Variants in LIG1 observed in about 807,000 individuals in gnomAD.
The protein encoded by LIG1 is ligase I, DNA, ATP-dependent.
LIG1 carries 70 observed loss-of-function variants against 115.7 expected under a neutral mutation model. The ratio of observed to expected loss-of-function variants is 0.60; its 90% CI spans 0.50 to 0.74. The LOEUF is 0.74. Ranked by LOEUF, LIG1 falls within the 30% of genes least tolerant of loss-of-function variation. The pLI is 0.00. For synonymous variants in LIG1, 487 were observed against 495.3 expected (o/e 0.98, Z 0.22); for missense variants, 1,115 against 1,225.6 (o/e 0.91, Z 1.35).
At position 48,115,855 on chromosome 19, in the gene LIG1, T is replaced by A. The variant is rs1302394923; in HGVS notation, c.2676+18A>T. 1 of 1,610,324 alleles carries A rather than the reference T, an allele frequency of 6.2e-7. No individual in the cohort carries two copies. The highest frequency in any genetic ancestry group is 1.1e-5 in the South Asian group (1 of 90,978). On this transcript the variant is annotated intron_variant, in intron 27 of 27. Coordinates refer to ENST00000263274, the MANE Select transcript of LIG1 (RefSeq NM_000234.3). ...GCCAAGCAGCTGGGCGGCCCACCCC[T>A]GCTTCCCAGGACCTCACCTGAGCAC...
chr19:48,132,206 C>A (rs2034070489), intron 18 of LIG1, among the ~76,000 whole-genome samples: 3 of 152,132 alleles, frequency 2.0e-5, no homozygotes. Context: ...GGCTCCCACC[C>A]ACTTTGCCTG....
intron 9 of LIG1, among the ~76,000 whole-genome samples, chr19:48,146,875 C>T (rs528603401): frequency 1.3e-4 from 20 of 152,206 alleles, no homozygotes; most frequent in South Asian, 6.2e-4. Context: ...CAGGCCTGGC[C>T]CTACCCCCAC....
chr19:48,150,025 G>GA, intron 8 of LIG1, 63 bp downstream of exon 8: 2 of 1,610,196 alleles, frequency 1.2e-6, no homozygotes, highest in African/African-American at 1.3e-5. Context: ...GGCCTCTGGA[G>GA]AGAGGCTCAC....
chr19:48,134,108 G>T, intron 16 of LIG1, 42 bp from the exon 17 acceptor site: 1 of 1,515,520 alleles, frequency 6.6e-7, no homozygotes, highest in South Asian at 1.2e-5. Flanking sequence ...AGCCTTTCTA[G>T]AACTCACACA....
intron 1 of LIG1, among the ~76,000 whole-genome samples, chr19:48,169,356 T>C (rs1234276242): frequency 6.6e-6 from 1 of 152,206 alleles, no homozygotes; most frequent in Non-Finnish European, 1.5e-5. Context: ...GTCTGTAATC[T>C]AGTTAACAGA....
chr19:48,154,857 C>G (rs1378592840), intron 5 of LIG1, among the ~76,000 whole-genome samples: 1 of 152,160 alleles, frequency 6.6e-6, no homozygotes, highest in East Asian at 1.9e-4. Flanking sequence ...ACTCCACATT[C>G]TCTGCTTTAT....
Position 48,153,905 on chromosome 19 carries a change from C to A in LIG1, c.433G>T (p.Asp145Tyr). The A allele has an allele frequency of 6.2e-7, 1 of 1,609,504 alleles. No individual in the cohort carries two copies. The highest frequency in any genetic ancestry group is 8.5e-7 in the Non-Finnish European group (1 of 1,177,990). The stretch of plus-strand genomic sequence containing the variant: ...TCCTTCTTCCTCTTGGCTTCTCTGT[C>A]CTCGTCCTCACTCTGCTCTTCCAGG... ...EVLEEQSEDE[D>Y]REAKRKKEEE... The change falls in exon 6 of 28, where the codon GAC (aspartate) becomes TAC (tyrosine). Residue 145 changes from aspartate to tyrosine, a missense_variant. Transcript: ENST00000263274.
chr19:48,144,951 G>A (rs1011224960), intron 9 of LIG1, among the ~76,000 whole-genome samples: 5 of 152,096 alleles, frequency 3.3e-5, no homozygotes, highest in African/African-American at 9.6e-5. Context: ...TCTCACTGTC[G>A]CCCAGGCTAG....
At position 48,135,849 on chromosome 19, in the gene LIG1, G is replaced by A. The variant is rs2034345997; in HGVS notation, c.1424-70C>T. 3.5e-6 allele frequency: 5 copies of A among 1,412,118 alleles called. No individual in the cohort carries two copies. In the Admixed American group the frequency reaches 6.7e-5, roughly 19 times the overall value. 87.5% of individuals were successfully genotyped at this position (1,412,118 alleles called of 1,614,324 possible). The stretch of plus-strand genomic sequence containing the variant: ...TGGCTACACCAGGGTGCAGTGGGTG[G>A]TTTGCTGTATGGCAAGGAATGCAGA... On this transcript the variant is annotated intron_variant, in intron 15 of 27. Coordinates refer to ENST00000263274, the MANE Select transcript of LIG1 (RefSeq NM_000234.3).
In LIG1 at chr19:48,138,404, G is replaced by A. The variant is rs539021618; in HGVS notation, c.1088-716C>T. Among the ~76,000 whole-genome samples, 6 of 152,358 alleles carry A rather than the reference G, an allele frequency of 3.9e-5. No homozygotes were observed. In the East Asian group the frequency reaches 7.7e-4, roughly 20 times the overall value. Reference sequence around the variant, plus strand: ...AAAAGAATGAAAGGGAAAGCAATCCGTAATGAACGAACAAGTGCGCGTTTC... The same window carrying A: ...AAAAGAATGAAAGGGAAAGCAATCCATAATGAACGAACAAGTGCGCGTTTC... On this transcript the variant is annotated intron_variant, in intron 12 of 27. Transcript: ENST00000263274.
At chr19:48,127,628 G>A (rs1599758329) in intron 20 of LIG1, 1 of 607,514 alleles carries the variant, frequency 1.6e-6, no homozygotes. Context: ...ATGGAAAAGG[G>A]GAAACCTGTG....
intron 18 of LIG1, among the ~76,000 whole-genome samples, chr19:48,132,415 G>C (rs1030412941): frequency 6.6e-6 from 1 of 152,082 alleles, no homozygotes; most frequent in Non-Finnish European, 1.5e-5. Context: ...CATCAGCGGA[G>C]CCCACGTTTC....
intron 12 of LIG1, among the ~76,000 whole-genome samples, chr19:48,138,884 C>G (rs982808592): frequency 1.3e-5 from 2 of 152,220 alleles, no homozygotes; most frequent in African/African-American, 4.8e-5. Flanking sequence ...CGAAACACAT[C>G]TTGAGTGAAT....
Position 48,166,170 on chromosome 19 carries a change from G to A in LIG1, c.-57-547C>T, listed in dbSNP as rs377292105. On this transcript the variant is annotated intron_variant, in intron 1 of 27. Coordinates refer to ENST00000263274, the MANE Select transcript of LIG1 (RefSeq NM_000234.3). ...CCAGCACTTTGGGAGGCCGAGGTGG[G>A]TGGATCACTTGAGGTCAGGAGTTCA... 5.8e-4 allele frequency among the ~76,000 whole-genome samples: 89 copies of A among 152,330 alleles called. No individual in the cohort carries two copies. The South Asian group carries it at 0.018, about 31-fold the overall frequency.
intron 3 of LIG1, among the ~76,000 whole-genome samples, chr19:48,162,005 G>A (rs1285792176): frequency 2.6e-5 from 4 of 152,012 alleles, no homozygotes; most frequent in South Asian, 2.1e-4. Flanking sequence ...AGTGGCCAGC[G>A]GCCAGCTTCT....
intron 12 of LIG1, among the ~76,000 whole-genome samples, chr19:48,138,886 T>C (rs2034565402): frequency 6.6e-6 from 1 of 152,192 alleles, no homozygotes; most frequent in African/African-American, 2.4e-5. Context: ...AAACACATCT[T>C]GAGTGAATGA....
chr19:48,142,444 A>AAAAAAAACAAAAAAAAAC (rs2034828481), intron 11 of LIG1, among the ~76,000 whole-genome samples: 1 of 104,828 alleles, frequency 9.5e-6, no homozygotes, highest in African/African-American at 4.9e-5. Flanking sequence ...CTCCATCTCA[A>AAAAAAAACAAAAAAAAAC]AAAAAAAAAA....
chr19:48,143,869 G>C lies in LIG1; in HGVS notation c.857+14C>G. The C allele has an allele frequency of 1.9e-6, 3 of 1,606,844 alleles. No individual in the cohort carries two copies. Among genetic ancestry groups the C allele is most frequent in the Non-Finnish European group, 2.6e-6 (3 of 1,173,436 alleles). The stretch of plus-strand genomic sequence containing the variant: ...GGACCGGAGGGGGACAGTCTGAAAA[G>C]GGAGAAACCTCACTTCTGGCCCGGT... On this transcript the variant is annotated intron_variant, in intron 10 of 27. Coordinates refer to ENST00000263274, the MANE Select transcript of LIG1 (RefSeq NM_000234.3).
At chr19:48,119,529 CTTTTTTTTTTTTTTT>C (rs71334267) in intron 24 of LIG1, among the ~76,000 whole-genome samples, 13 of 67,980 alleles carry the variant, frequency 1.9e-4, no homozygotes, top group African/African-American at 3.4e-4. Context: ...CACTTCCAGT[CTTTTTTTTTTTTTTT>C]TTTTTTTTTT....
Sources: allele counts gnomAD v4.1 joint callset (sites outside exome capture counted in the v4.1 genomes callset), GRCh38; gene constraint gnomAD v4.1.1; transcripts MANE v1.5; gene names NCBI Gene and HGNC (gene_info 2026-07-23, HGNC 2026-07-21).